The following OSTN variants were observed in gnomAD, a reference collection of about 807,000 sequenced individuals.
OSTN encodes osteocrin.
OSTN carries 9 observed loss-of-function variants against 12.0 expected under a neutral mutation model. The ratio of observed to expected loss-of-function variants is 0.75; its 90% CI spans 0.45 to 1.30. The LOEUF is 1.30. Among genes scored for constraint, OSTN ranks in the 50% most tolerant of loss-of-function variants. OSTN has a pLI of 0.00. For synonymous variants in OSTN, 59 were observed against 56.9 expected (o/e 1.04, Z -0.16); for missense variants, 148 against 152.3 (o/e 0.97, Z 0.15).
intron 1 of OSTN, among the ~76,000 whole-genome samples, chr3:191,207,024 G>A (rs775227250): frequency 1.3e-5 from 2 of 152,118 alleles, no homozygotes; most frequent in African/African-American, 4.8e-5. Flanking sequence ...CGGCAGGCAC[G>A]CATGGTCATT....
intron 2 of OSTN, among the ~76,000 whole-genome samples, chr3:191,212,996 A>G (rs1413642199): frequency 6.8e-6 from 1 of 146,980 alleles, no homozygotes; most frequent in East Asian, 2.0e-4. Context: ...TCAGCCTCCC[A>G]AGTAGCTGGG....
At position 191,263,170 on chromosome 3, in the gene OSTN, T is replaced by G; in HGVS notation, c.*317T>G. 1 of 304,646 alleles carries G rather than the reference T, an allele frequency of 3.3e-6. No homozygotes were observed. The highest frequency in any genetic ancestry group is 4.8e-5 in the Admixed American group (1 of 20,986). The allele number at this position is 304,646 out of a possible 1,614,324, so 18.9% of individuals were successfully genotyped here. On this transcript the variant is annotated 3_prime_UTR_variant, in exon 5 of 5. Transcript: ENST00000682035. The stretch of plus-strand genomic sequence containing the variant: ...ACAGTGAAATGCCTTCTGTATGGAT[T>G]TACCATGCACATGTTTGTAGTCAAA...
At chr3:191,218,610 CA>C in intron 2 of OSTN, 136 bp from the exon 3 acceptor site, 1 of 690,334 alleles carries the variant, frequency 1.4e-6, no homozygotes, top group Non-Finnish European at 2.4e-6. Flanking sequence ...ACAACAAGCA[CA>C]AAACTTTGTC....
chr3:191,238,803 G>T (rs1052743520), intron 3 of OSTN, among the ~76,000 whole-genome samples: 5 of 152,190 alleles, frequency 3.3e-5, no homozygotes, highest in African/African-American at 9.7e-5. Context: ...AAGACCATAG[G>T]ATGGGACAGT....
In OSTN at chr3:191,200,534, C is replaced by G. The variant is rs940204590; in HGVS notation, c.-1+1227C>G. 3.3e-5 allele frequency among the ~76,000 whole-genome samples: 5 copies of G among 151,994 alleles called. No individual in the cohort carries two copies. The East Asian group carries it at 9.6e-4, about 29-fold the overall frequency. On this transcript the variant is annotated intron_variant, in intron 1 of 4. Coordinates refer to ENST00000682035, the MANE Select transcript of OSTN (RefSeq NM_198184.2). ...GAACTTGTCTCAAAAATAAAGAACT[C>G]GAAGTAAGAAATCCTAATATATCAT... is the stretch of plus-strand genomic sequence containing the variant.
intron 1 of OSTN, among the ~76,000 whole-genome samples, chr3:191,209,674 T>C (rs960768372): frequency 2.6e-5 from 4 of 152,246 alleles, no homozygotes; most frequent in Non-Finnish European, 5.9e-5. Context: ...TTAACTGACA[T>C]AGTTAATACA....
chr3:191,236,937 A>T (rs1715205793), intron 3 of OSTN, among the ~76,000 whole-genome samples: 1 of 152,174 alleles, frequency 6.6e-6, no homozygotes, highest in African/African-American at 2.4e-5. Context: ...TTTCGGAGAG[A>T]TAAAATGATT....
Position 191,218,933 on chromosome 3 carries a change from G to A in OSTN, c.289G>A (p.Gly97Ser), listed in dbSNP as rs887402498. The change falls in exon 3 of 5, where the codon GGC becomes AGC. Residue 97 changes from glycine (G) to serine (S), a missense_variant. By Grantham distance (56) the Gly-to-Ser change is moderately conservative. Coordinates refer to ENST00000682035, the MANE Select transcript of OSTN (RefSeq NM_198184.2). ...FGSPLDRLSA[G>S]SVDHKGKQRK... ...GTCTCCCCTTGACAGACTCTCAGCT[G>A]GCTCTGTAGATCACAAAGGTAAACA... is the stretch of plus-strand genomic sequence containing the variant. 3.1e-6 allele frequency: 5 copies of A among 1,613,882 alleles called. No homozygotes were observed. The Admixed American group carries it at 5.0e-5, about 16-fold the overall frequency.
At chr3:191,227,312 T>TA (rs5855364) in intron 3 of OSTN, among the ~76,000 whole-genome samples, 1 of 152,030 alleles carries the variant, frequency 6.6e-6, no homozygotes, top group East Asian at 1.9e-4. Flanking sequence ...GATAGACTGG[T>TA]AAAAAATGGA....
chr3:191,234,023 A>T (rs951194518), intron 3 of OSTN, among the ~76,000 whole-genome samples: 3 of 152,032 alleles, frequency 2.0e-5, no homozygotes, highest in Non-Finnish European at 2.9e-5. Flanking sequence ...TTGGCCTAGA[A>T]TTTTTCTAAA....
At chr3:191,210,196 G>A (rs556552200) in intron 1 of OSTN, among the ~76,000 whole-genome samples, 46 of 152,220 alleles carry the variant, frequency 3.0e-4, no homozygotes, top group Non-Finnish European at 4.4e-5. Flanking sequence ...ATCAGATCTC[G>A]CGATAACTCA....
chr3:191,248,468 G>A (rs1336371164), intron 3 of OSTN, among the ~76,000 whole-genome samples: 1 of 152,086 alleles, frequency 6.6e-6, no homozygotes, highest in East Asian at 1.9e-4. Context: ...GTAATTATTG[G>A]TAAATAAGTA....
chr3:191,251,175 A>G (rs9833453), intron 4 of OSTN, among the ~76,000 whole-genome samples: 67,616 of 146,682 alleles, frequency 0.46, 17,692 homozygotes, highest in African/African-American at 0.74. Context: ...ATAAATGGAA[A>G]GCTTAGAAAT....
At chr3:191,240,688 T>A (rs1715297621) in intron 3 of OSTN, among the ~76,000 whole-genome samples, 1 of 152,264 alleles carries the variant, frequency 6.6e-6, no homozygotes, top group East Asian at 1.9e-4. Context: ...AAAGTTATAC[T>A]GAGGCTGGAG....
intron 2 of OSTN, among the ~76,000 whole-genome samples, chr3:191,214,442 A>AG (rs2108591979): frequency 6.7e-6 from 1 of 149,320 alleles, no homozygotes; most frequent in African/African-American, 2.5e-5. Context: ...ATCTCAAAAA[A>AG]AAAAAAAAAA....
At chr3:191,212,973 C>A (rs1425791275) in intron 2 of OSTN, among the ~76,000 whole-genome samples, 1 of 145,602 alleles carries the variant, frequency 6.9e-6, no homozygotes, top group Non-Finnish European at 1.5e-5. Flanking sequence ...CAGGTTCAAG[C>A]GATTCTCCTG....
chr3:191,230,216 G>A (rs577011569), intron 3 of OSTN, among the ~76,000 whole-genome samples: 8 of 152,112 alleles, frequency 5.3e-5, no homozygotes, highest in African/African-American at 1.9e-4. Flanking sequence ...GGTTAAGTGG[G>A]ATTATTCTGC....
chr3:191,219,641 A>G (rs1306844213), intron 3 of OSTN, among the ~76,000 whole-genome samples: 1 of 152,114 alleles, frequency 6.6e-6, no homozygotes, highest in Non-Finnish European at 1.5e-5. Flanking sequence ...AACTTAGTTC[A>G]TTTTCTACCC....
intron 3 of OSTN, among the ~76,000 whole-genome samples, chr3:191,236,977 T>A (rs1715206561): frequency 6.6e-6 from 1 of 152,166 alleles, no homozygotes; most frequent in South Asian, 2.1e-4. Context: ...ATAAATTACA[T>A]GCCAGATTGT....
Sources: allele counts gnomAD v4.1 joint callset (sites outside exome capture counted in the v4.1 genomes callset), GRCh38; gene constraint gnomAD v4.1.1; transcripts MANE v1.5; gene names NCBI Gene and HGNC (gene_info 2026-07-23, HGNC 2026-07-21).